Variants in ALDH6A1 observed in about 807,000 individuals in gnomAD.
ALDH6A1 encodes aldehyde dehydrogenase 6 family member A1, also known as methylmalonate-semialdehyde/malonate-semialdehyde dehydrogenase [acylating], mitochondrial.
A neutral mutation model predicts 62.6 loss-of-function variants in ALDH6A1; 43 were observed. That is an observed-to-expected ratio of 0.69 (90% CI 0.54 to 0.89). The LOEUF (loss-of-function observed/expected upper bound fraction) is 0.89, where lower values mean the gene tolerates loss of function less well. ALDH6A1 is among the 40% of genes least tolerant of loss of function. The probability of loss-of-function intolerance (pLI) is 0.00; values close to 1 mark genes in which losing one functional copy is unlikely to be tolerated. For synonymous variants in ALDH6A1, 194 were observed against 234.2 expected (o/e 0.83, Z 1.57); for missense variants, 551 against 661.3 (o/e 0.83, Z 1.83).
At chr14:74,084,292 G>A in intron 1 of ALDH6A1, 55 bp downstream of exon 1, 1 of 1,612,212 alleles carries the variant, frequency 6.2e-7, no homozygotes, top group South Asian at 1.1e-5. Context: ...TCAGGGAGCG[G>A]ACGGAAAGGA....
Position 74,071,241 on chromosome 14 carries a change from A to G in ALDH6A1, c.684T>C (p.Ser228=), listed in dbSNP as rs1220594256. The G allele has an allele frequency of 6.2e-7, 1 of 1,614,228 alleles. No homozygotes were observed. The highest frequency in any genetic ancestry group is 1.1e-5 in the South Asian group (1 of 91,084). Residue 228 remains serine, a synonymous_variant, in exon 6 of 12, where the codon TCT becomes TCC. Coordinates refer to ENST00000553458, the MANE Select transcript of ALDH6A1 (RefSeq NM_005589.4). ...TGTTTAATGTTCCATCAGGGGCACC[A>G]GAATCCTGGAGCAACTTAGCAAGAA... is the stretch of plus-strand genomic sequence containing the variant. ...TMLLAKLLQD[S]GAPDGTLNII... is the part of the protein sequence containing the mutation.
chr14:74,076,502 T>C (rs1228582518), intron 1 of ALDH6A1, among the ~76,000 whole-genome samples: 1 of 151,798 alleles, frequency 6.6e-6, no homozygotes, highest in Non-Finnish European at 1.5e-5. Flanking sequence ...GCTCAGATTA[T>C]AGGTGTCTGC....
chr14:74,070,044 T>A (rs894775409), intron 6 of ALDH6A1, among the ~76,000 whole-genome samples: 2 of 151,816 alleles, frequency 1.3e-5, no homozygotes, highest in Non-Finnish European at 2.9e-5. Context: ...TTTCGCCACA[T>A]GGCCCAGGCT....
chr14:74,075,086 T>A, intron 1 of ALDH6A1, 69 bp from the exon 2 acceptor site: 1 of 1,377,060 alleles, frequency 7.3e-7, no homozygotes, highest in Non-Finnish European at 1.0e-6. Context: ...AGCAAATAGC[T>A]ACTATATGCT....
chr14:74,063,271 C>G, intron 11 of ALDH6A1, among the ~76,000 whole-genome samples: 1 of 151,456 alleles, frequency 6.6e-6, no homozygotes, highest in East Asian at 2.0e-4. Context: ...ACTGCAACTT[C>G]CGCCTCCCAG....
At position 74,065,262 on chromosome 14, in the gene ALDH6A1, G is replaced by A. The variant is rs746669140; in HGVS notation, c.1323C>T (p.Asn441=). Residue 441 remains asparagine, a synonymous_variant, in exon 10 of 12, where the codon AAC becomes AAT. Coordinates refer to ENST00000553458, the MANE Select transcript of ALDH6A1 (RefSeq NM_005589.4). ...AGATGGCAGTTCCATTTCCATATGG[G>A]TTGTTATTTACAATCTGGATGGCTT... ...LDEAIQIVNN[N]PYGNGTAIFT... 1.9e-6 allele frequency: 3 copies of A among 1,614,096 alleles called. No individual in the cohort carries two copies. The highest frequency in any genetic ancestry group is 2.5e-6 in the Non-Finnish European group (3 of 1,180,006).
chr14:74,057,986 T>A lies in ALDH6A1; in HGVS notation c.*2656A>T. ...TTAATTCCACTTGGAATATAGACAA[T>A]AATGACCTTTTATTTAACCCAGCCT... On this transcript the variant is annotated 3_prime_UTR_variant, in exon 12 of 12. Coordinates refer to ENST00000553458, the MANE Select transcript of ALDH6A1 (RefSeq NM_005589.4). 1 of 816,252 alleles carries A rather than the reference T, an allele frequency of 1.2e-6. No homozygotes were observed. The highest frequency in any genetic ancestry group is 1.5e-6 in the Non-Finnish European group (1 of 674,136). 50.6% of individuals were successfully genotyped at this position (816,252 alleles called of 1,614,324 possible).
intron 11 of ALDH6A1, 81 bp downstream of exon 11, chr14:74,064,741 T>C: frequency 6.2e-7 from 1 of 1,612,380 alleles, no homozygotes; most frequent in Non-Finnish European, 8.5e-7. Context: ...TGGCAGTCCC[T>C]TCCTTGCAGA....
In ALDH6A1 at chr14:74,071,948, C is replaced by T; in HGVS notation, c.375G>A (p.Leu125=). The T allele has an allele frequency of 1.2e-6, 2 of 1,614,130 alleles. No individual in the cohort carries two copies. Among genetic ancestry groups the T allele is most frequent in the Non-Finnish European group, 1.7e-6 (2 of 1,180,018 alleles). The part of the protein sequence containing the change: ...NLKEIAKLIT[L]EQGKTLADAE... ...CATCAGCTAGGGTCTTCCCTTGTTC[C>T]AATGTGATTAACTTGGCAATTTCTT... Residue 125 remains leucine (L), a synonymous_variant, in exon 5 of 12, where the codon TTG becomes TTA. Coordinates refer to ENST00000553458, the MANE Select transcript of ALDH6A1 (RefSeq NM_005589.4).
At chr14:74,078,166 C>G (rs1384804250) in intron 1 of ALDH6A1, 1 of 455,290 alleles carries the variant, frequency 2.2e-6, no homozygotes, top group South Asian at 1.6e-5. Flanking sequence ...CTTGTACTTT[C>G]AGGAGCTGAC....
intron 8 of ALDH6A1, 151 bp from the exon 9 acceptor site, chr14:74,067,037 G>A (rs2060477906): frequency 1.3e-6 from 1 of 787,350 alleles, no homozygotes; most frequent in Non-Finnish European, 2.1e-6. Context: ...GCAACAAAGT[G>A]AGACTTCATA....
chr14:74,070,021 G>A (rs1056289557), intron 6 of ALDH6A1, among the ~76,000 whole-genome samples: 7 of 151,166 alleles, frequency 4.6e-5, no homozygotes, highest in Admixed American at 4.6e-4. Flanking sequence ...TATTTTTTTT[G>A]TAGAGACGGG....
At chr14:74,080,105 T>G (rs932399693) in intron 1 of ALDH6A1, among the ~76,000 whole-genome samples, 6 of 152,170 alleles carry the variant, frequency 3.9e-5, no homozygotes, top group African/African-American at 1.4e-4. Flanking sequence ...CAGTTTGCTA[T>G]GCCTCCTATA....
At chr14:74,064,941 G>A (rs747632029) in intron 10 of ALDH6A1, 21 bp from the exon 11 acceptor site, 9 of 1,601,976 alleles carry the variant, frequency 5.6e-6, no homozygotes, top group Non-Finnish European at 7.7e-6. Flanking sequence ...ACAAATCCGT[G>A]TCATATCCTA....
At position 74,059,194 on chromosome 14, in the gene ALDH6A1, C is replaced by T; in HGVS notation, c.*1448G>A. 1 of 210,980 alleles carries T rather than the reference C, an allele frequency of 4.7e-6. No individual in the cohort carries two copies. The highest frequency in any genetic ancestry group is 5.9e-5 in the Admixed American group (1 of 16,984). The allele number at this position is 210,980 out of a possible 1,614,324, so 13.1% of individuals were successfully genotyped here. On this transcript the variant is annotated 3_prime_UTR_variant, in exon 12 of 12. Coordinates refer to ENST00000553458, the MANE Select transcript of ALDH6A1 (RefSeq NM_005589.4). Reference sequence around the variant, plus strand: ...TATGTCATGGAAAGCTTCGAAATTTCTTAGGCCCAGTTAATTGCTCTACAT... The same window carrying T: ...TATGTCATGGAAAGCTTCGAAATTTTTTAGGCCCAGTTAATTGCTCTACAT...
intron 4 of ALDH6A1, 23 bp from the exon 5 acceptor site, chr14:74,071,997 G>A (rs749438189): frequency 1.2e-6 from 2 of 1,608,998 alleles, no homozygotes; most frequent in Admixed American, 1.7e-5. Flanking sequence ...CACACAAATA[G>A]AAATTAATGC....
At chr14:74,070,030 G>A (rs528526332) in intron 6 of ALDH6A1, among the ~76,000 whole-genome samples, 1 of 151,598 alleles carries the variant, frequency 6.6e-6, no homozygotes, top group African/African-American at 2.4e-5. Context: ...TGTAGAGACG[G>A]GGGTTTCGCC....
chr14:74,071,937 T>C lies in ALDH6A1; in HGVS notation c.386A>G (p.Lys129Arg). 2 of 1,614,244 alleles carry C rather than the reference T, an allele frequency of 1.2e-6. No homozygotes were observed. The highest frequency in any genetic ancestry group is 2.2e-5 in the East Asian group (1 of 44,890). ...IAKLITLEQG[K>R]TLADAEGDVF... is the part of the protein sequence containing the mutation. Reference sequence around the variant, plus strand: ...ATCTCCTTCAGCATCAGCTAGGGTCTTCCCTTGTTCCAATGTGATTAACTT... The same window carrying C: ...ATCTCCTTCAGCATCAGCTAGGGTCCTCCCTTGTTCCAATGTGATTAACTT... The change falls in exon 5 of 12, where the codon AAG becomes AGG. Residue 129 changes from lysine to arginine, a missense_variant. Transcript: ENST00000553458.
intron 1 of ALDH6A1, chr14:74,078,323 A>G: frequency 2.2e-6 from 1 of 452,340 alleles, no homozygotes; most frequent in Non-Finnish European, 4.4e-6. Flanking sequence ...ACAGTGGTGC[A>G]CGATCAATAT....
Sources: allele counts gnomAD v4.1 joint callset (sites outside exome capture counted in the v4.1 genomes callset), GRCh38; gene constraint gnomAD v4.1.1; transcripts MANE v1.5; gene names NCBI Gene and HGNC (gene_info 2026-07-23, HGNC 2026-07-21).